Variants in ABCB5 observed in about 807,000 individuals in gnomAD.
The protein encoded by ABCB5 is ATP binding cassette subfamily B member 5.
A neutral mutation model predicts 144.2 loss-of-function variants in ABCB5; 155 were observed. The ratio of observed to expected loss-of-function variants is 1.08; its 90% CI spans 0.94 to 1.23. The LOEUF (loss-of-function observed/expected upper bound fraction) is 1.23. ABCB5 is among the 50% of genes most tolerant of loss of function. ABCB5 has a pLI of 0.00. For synonymous variants in ABCB5, 610 were observed against 528.6 expected, an observed-to-expected ratio of 1.15 and a Z score of -2.11; for missense variants, 1,830 against 1,520.8, an observed-to-expected ratio of 1.20 and a Z score of -3.38.
At chr7:20,709,658 C>G (rs919135609) in intron 20 of ABCB5, among the ~76,000 whole-genome samples, 1 of 150,026 alleles carries the variant, frequency 6.7e-6, no homozygotes, top group Non-Finnish European at 1.5e-5. Context: ...CTAACCACGT[C>G]ACTGAGATGT....
At position 20,681,677 on chromosome 7, in the gene ABCB5, T is replaced by G. The variant is rs1246516005; in HGVS notation, c.1869+11T>G. On this transcript the variant is annotated intron_variant, in intron 15 of 27. Transcript: ENST00000404938. ...CTTGTGATGTCACAGGTAATGCTTA[T>G]GTGACATAATGCTATGTCAGCAGGG... 1 of 1,612,532 alleles carries G rather than the reference T, an allele frequency of 6.2e-7. No individual in the cohort carries two copies. The highest frequency in any genetic ancestry group is 8.5e-7 in the Non-Finnish European group (1 of 1,178,976).
intron 20 of ABCB5, among the ~76,000 whole-genome samples, chr7:20,709,604 G>A (rs1786943333): frequency 6.7e-6 from 1 of 149,818 alleles, no homozygotes; most frequent in Admixed American, 6.7e-5. Flanking sequence ...TAAAAACTAG[G>A]ATAAAGTGTA....
At chr7:20,686,146 C>A (rs1025628055) in intron 16 of ABCB5, among the ~76,000 whole-genome samples, 3 of 152,086 alleles carry the variant, frequency 2.0e-5, no homozygotes, top group Admixed American at 1.3e-4. Context: ...GATACAGATA[C>A]CAATGGTGAT....
intron 20 of ABCB5, among the ~76,000 whole-genome samples, chr7:20,714,878 T>C (rs61664241): frequency 2.0e-5 from 3 of 152,232 alleles, no homozygotes; most frequent in East Asian, 3.9e-4. Flanking sequence ...ATTAGGTTGG[T>C]GTGTATAGTC....
At chr7:20,617,711 G>A (rs901338087) in intron 1 of ABCB5, among the ~76,000 whole-genome samples, 1 of 152,108 alleles carries the variant, frequency 6.6e-6, no homozygotes, top group African/African-American at 2.4e-5. Context: ...ACTGTATGCT[G>A]TCAATAAGAG....
chr7:20,681,940 C>T (rs769597300), intron 15 of ABCB5, among the ~76,000 whole-genome samples: 27 of 152,074 alleles, frequency 1.8e-4, no homozygotes, highest in Non-Finnish European at 3.4e-4. Flanking sequence ...GAAAGGGTGG[C>T]TCACACCTGC....
At chr7:20,671,558 G>C (rs73085631) in intron 14 of ABCB5, among the ~76,000 whole-genome samples, 126 of 152,258 alleles carry the variant, frequency 8.3e-4, no homozygotes, top group Non-Finnish European at 1.6e-3. Context: ...TTTATATAAA[G>C]GGAGCAATAT....
rs1341671257 is a variant in ABCB5, at chr7:20,628,707, T to A, written c.128T>A (p.Leu43Gln). The change falls in exon 4 of 28, where the codon CTG becomes CAG. Residue 43 changes from leucine (L) to glutamine (Q), a missense_variant. Physicochemically the swap from Leu to Gln is moderately radical, Grantham distance 113. Transcript: ENST00000404938. ...SIEIFRFADG[L>Q]DITLMILGIL... ...CCTCAGTTCCGCTTTGCTGATGGAC[T>A]GGACATCACACTCATGATCCTGGGT... 6.2e-7 allele frequency: 1 copy of A among 1,613,316 alleles called. No homozygotes were observed. The highest frequency in any genetic ancestry group is 8.5e-7 in the Non-Finnish European group (1 of 1,179,624).
At position 20,645,958 on chromosome 7, in the gene ABCB5, A is replaced by G; in HGVS notation, c.804-3A>G. 6.2e-7 allele frequency: 1 copy of G among 1,612,666 alleles called. No individual in the cohort carries two copies. The highest frequency in any genetic ancestry group is 1.3e-5 in the African/African-American group (1 of 74,916). On this transcript the variant is annotated splice_polypyrimidine_tract_variant and splice_region_variant and intron_variant, in intron 8 of 27. Transcript: ENST00000404938. ...CTACTAAGTTGTGTTCTGTTTTTGT[A>G]AGGTATACACAGAATCTCAAAGATG...
chr7:20,752,576 C>A (rs1294732817), intron 26 of ABCB5, among the ~76,000 whole-genome samples: 1 of 152,158 alleles, frequency 6.6e-6, no homozygotes, highest in African/African-American at 2.4e-5. Context: ...TGGCCAGGCG[C>A]GGTAGCTCAC....
At chr7:20,716,175 T>C (rs1781669046) in intron 20 of ABCB5, among the ~76,000 whole-genome samples, 1 of 152,206 alleles carries the variant, frequency 6.6e-6, no homozygotes, top group Non-Finnish European at 1.5e-5. Flanking sequence ...ATATAGATAC[T>C]GTGCCAAGAA....
intron 20 of ABCB5, among the ~76,000 whole-genome samples, chr7:20,719,615 G>A (rs1781797319): frequency 1.3e-5 from 2 of 152,172 alleles, no homozygotes; most frequent in African/African-American, 2.4e-5. Context: ...TTGCAGCCCC[G>A]ATATTATGAC....
intron 14 of ABCB5, among the ~76,000 whole-genome samples, chr7:20,661,560 G>A (rs1263102401): frequency 9.2e-6 from 1 of 108,524 alleles, no homozygotes; most frequent in African/African-American, 4.2e-5. Context: ...TTTTGAGACC[G>A]AGTCTCACTC....
chr7:20,629,518 T>C (rs571669582), intron 4 of ABCB5, among the ~76,000 whole-genome samples: 19 of 152,128 alleles, frequency 1.2e-4, no homozygotes, highest in South Asian at 4.2e-4. Context: ...ATCCTGCACT[T>C]TGGGAGGCTG....
rs1424905586 is a variant in ABCB5 at position 20,623,710 on chromosome 7, C to T, written c.53+372C>T. ...GGTACCTTTAATAAAAGAAAATATT[C>T]GATTCCGATTATTTTCTCTCTGAAT... On this transcript the variant is annotated intron_variant, in intron 2 of 27. Coordinates refer to ENST00000404938, the MANE Select transcript of ABCB5 (RefSeq NM_001163941.2). Among the ~76,000 whole-genome samples the T allele has an allele frequency of 2.6e-5, 4 of 152,050 alleles. No individual in the cohort carries two copies. The East Asian group carries it at 7.7e-4, about 29-fold the overall frequency.
chr7:20,666,725 T>G, intron 14 of ABCB5: 1 of 1,594,738 alleles, frequency 6.3e-7, no homozygotes, highest in Non-Finnish European at 8.5e-7. Context: ...GGATAGGAGA[T>G]ACTAGGAAAT....
At position 20,647,569 on chromosome 7, in the gene ABCB5, T is replaced by C. The variant is rs202006881; in HGVS notation, c.1016T>C (p.Ile339Thr). Residue 339 changes from isoleucine (I) to threonine (T), a missense_variant, in exon 10 of 28, where the codon ATT (isoleucine) becomes ACT (threonine). Coordinates refer to ENST00000404938, the MANE Select transcript of ABCB5 (RefSeq NM_001163941.2). ...FFSVIHSSYC[I>T]GAAVPHFETF... ...AGTGTAATCCATAGCAGTTATTGCA[T>C]TGGAGCAGCAGTCCCTCACTTTGAA... The C allele has an allele frequency of 9.7e-5, 154 of 1,587,828 alleles. No homozygotes were observed. The Admixed American group carries it at 1.3e-3, about 14-fold the overall frequency.
At chr7:20,748,282 A>G (rs1312270032) in intron 26 of ABCB5, among the ~76,000 whole-genome samples, 1 of 152,196 alleles carries the variant, frequency 6.6e-6, no homozygotes, top group Non-Finnish European at 1.5e-5. Flanking sequence ...GAAACATGTT[A>G]CAGCTCACAC....
At chr7:20,625,255 C>G (rs1285016803) in intron 2 of ABCB5, among the ~76,000 whole-genome samples, 1 of 152,178 alleles carries the variant, frequency 6.6e-6, no homozygotes, top group African/African-American at 2.4e-5. Context: ...TGTCATTTAT[C>G]AAAGCTGACA....
Sources: allele counts gnomAD v4.1 joint callset (sites outside exome capture counted in the v4.1 genomes callset), GRCh38; gene constraint gnomAD v4.1.1; transcripts MANE v1.5; gene names NCBI Gene and HGNC (gene_info 2026-07-23, HGNC 2026-07-21).